The following ATP6V0A4 variants were observed in gnomAD, a reference collection of about 807,000 sequenced individuals.
ATP6V0A4 encodes V-type proton ATPase 116 kDa subunit a 4.
A neutral mutation model predicts 107.3 loss-of-function variants in ATP6V0A4; 86 were observed. The ratio of observed to expected loss-of-function variants is 0.80; its 90% CI spans 0.67 to 0.96. The LOEUF is 0.96. Among genes scored for constraint, ATP6V0A4 ranks in the 40% least tolerant of loss-of-function variants. The pLI is 0.00. For synonymous variants in ATP6V0A4, 353 were observed against 381.4 expected (o/e 0.93, Z 0.87); for missense variants, 908 against 1,045.6 (o/e 0.87, Z 1.81).
chr7:138,720,970 C>T (rs1804397222), intron 19 of ATP6V0A4, among the ~76,000 whole-genome samples: 1 of 152,102 alleles, frequency 6.6e-6, no homozygotes, highest in Admixed American at 6.6e-5. Flanking sequence ...AAGCAATTAA[C>T]ACCACAAATG....
At chr7:138,714,184 C>T (rs1483051464) in intron 20 of ATP6V0A4, among the ~76,000 whole-genome samples, 1 of 146,304 alleles carries the variant, frequency 6.8e-6, no homozygotes, top group Admixed American at 7.0e-5. Context: ...AGTTCGAGGC[C>T]GTGATAGCGC....
At chr7:138,753,027 G>T in intron 10 of ATP6V0A4, 190 bp from the exon 11 acceptor site, 1 of 521,178 alleles carries the variant, frequency 1.9e-6, no homozygotes, top group Non-Finnish European at 2.5e-6. Context: ...AAACCCTTAG[G>T]CAGAGATTGT....
Position 138,706,683 on chromosome 7 carries a change from C to T in ATP6V0A4, c.2464G>A (p.Gly822Ser), listed in dbSNP as rs756268451. 1 of 1,613,874 alleles carries T rather than the reference C, an allele frequency of 6.2e-7. No homozygotes were observed. Among genetic ancestry groups the T allele is most frequent in the South Asian group, 1.1e-5 (1 of 91,058 alleles). The part of the protein sequence containing the change: ...EFQNKFYVGD[G>S]YKFSPFSFKH... Reference sequence around the variant, plus strand: ...AAGGAGAATGGAGAAAACTTGTAACCATCCCCGACATAGAACTTGTTCTGG... The same window carrying T: ...AAGGAGAATGGAGAAAACTTGTAACTATCCCCGACATAGAACTTGTTCTGG... The change falls in exon 22 of 22, where the codon GGT becomes AGT. Residue 822 changes from glycine (G) to serine (S), a missense_variant. Transcript: ENST00000310018.
intron 20 of ATP6V0A4, among the ~76,000 whole-genome samples, chr7:138,714,381 TC>T (rs1319911603): frequency 6.6e-6 from 1 of 151,512 alleles, no homozygotes; most frequent in Non-Finnish European, 1.5e-5. Flanking sequence ...AGTTGGTGAG[TC>T]ATGATTCCTG....
chr7:138,739,739 G>T (rs1304730044), intron 14 of ATP6V0A4, 106 bp from the exon 15 acceptor site: 2 of 1,541,374 alleles, frequency 1.3e-6, no homozygotes, highest in Non-Finnish European at 1.7e-6. Context: ...AACTACTGGT[G>T]CAATTCATCA....
chr7:138,758,701 G>A (rs1806628811), intron 8 of ATP6V0A4, among the ~76,000 whole-genome samples: 2 of 143,502 alleles, frequency 1.4e-5, no homozygotes, highest in Non-Finnish European at 3.0e-5. Context: ...TGTAAGAACT[G>A]CGGAATCTCA....
chr7:138,766,445 A>G (rs1252221118), intron 5 of ATP6V0A4, among the ~76,000 whole-genome samples: 1 of 151,982 alleles, frequency 6.6e-6, no homozygotes, highest in East Asian at 1.9e-4. Flanking sequence ...ACCTCAAGCA[A>G]TACACCCGCC....
chr7:138,709,207 T>TC (rs1803606921), intron 21 of ATP6V0A4, among the ~76,000 whole-genome samples: 2 of 63,348 alleles, frequency 3.2e-5, no homozygotes, highest in African/African-American at 1.2e-4. Context: ...AGAGCCTGTC[T>TC]CAAAAAAAAA....
chr7:138,719,786 G>A (rs1457604090), intron 19 of ATP6V0A4, among the ~76,000 whole-genome samples: 2 of 152,150 alleles, frequency 1.3e-5, no homozygotes, highest in African/African-American at 4.8e-5. Flanking sequence ...TTGGGAGGCC[G>A]AGGTAGGCGG....
intron 14 of ATP6V0A4, among the ~76,000 whole-genome samples, chr7:138,740,610 T>A (rs1409316101): frequency 6.7e-6 from 1 of 149,024 alleles, no homozygotes; most frequent in Admixed American, 6.7e-5. Flanking sequence ...CCCGACTAAT[T>A]TTTGTATTTT....
intron 14 of ATP6V0A4, among the ~76,000 whole-genome samples, chr7:138,741,789 T>C (rs1313972214): frequency 6.6e-6 from 1 of 152,182 alleles, no homozygotes; most frequent in Non-Finnish European, 1.5e-5. Flanking sequence ...TTTTCAGTGG[T>C]CTTTCAACCA....
intron 19 of ATP6V0A4, among the ~76,000 whole-genome samples, chr7:138,716,320 C>A (rs978353650): frequency 7.9e-5 from 12 of 152,134 alleles, no homozygotes; most frequent in Admixed American, 6.6e-4. Flanking sequence ...GAAGACAGTC[C>A]TCCTGTGTGG....
intron 18 of ATP6V0A4, among the ~76,000 whole-genome samples, chr7:138,722,744 CA>C (rs71169049): frequency 3.6e-3 from 120 of 33,454 alleles, no homozygotes; most frequent in African/African-American, 0.011. Context: ...GACTCCATCT[CA>C]AAAAAAAAAA....
In ATP6V0A4 at chr7:138,786,255, A is replaced by G. The variant is rs1421859949; in HGVS notation, c.-115T>C. 6.6e-6 allele frequency: 1 copy of G among 152,256 alleles called. No homozygotes were observed. The highest frequency in any genetic ancestry group is 1.5e-5 in the Non-Finnish European group (1 of 68,074). 9.4% of individuals were successfully genotyped at this position (152,256 alleles called of 1,614,324 possible). On this transcript the variant is annotated 5_prime_UTR_variant, in exon 2 of 22. Transcript: ENST00000310018. ...TTGCCACGTCATGGAGGAACTGGAA[A>G]TGAGACTTAGGAAAATGAAGTTTTA... is the stretch of plus-strand genomic sequence containing the variant.
At chr7:138,709,429 T>C (rs1468306782) in intron 21 of ATP6V0A4, among the ~76,000 whole-genome samples, 195 bp downstream of exon 21, 1 of 151,884 alleles carries the variant, frequency 6.6e-6, no homozygotes, top group Non-Finnish European at 1.5e-5. Flanking sequence ...TGTGTATATA[T>C]GTATATATAC....
intron 21 of ATP6V0A4, among the ~76,000 whole-genome samples, chr7:138,707,872 C>G (rs1320039739): frequency 7.2e-5 from 11 of 151,772 alleles, no homozygotes; most frequent in Admixed American, 5.9e-4. Flanking sequence ...CCAAGACACC[C>G]TCACTGTGCA....
rs1491197117 is a variant in ATP6V0A4, at chr7:138,718,675, G to GGTGGGTGCAGTCA, written c.2140-2795_2140-2794insTGACTGCACCCAC. On this transcript the variant is annotated intron_variant, in intron 19 of 21. Transcript: ENST00000310018. ...GGAGACGTCCAGGAAGGAATTCGGGGCGGGGGGGGGGGGTGCAGTCACGGA... is the reference window on the plus strand; with the variant it reads ...GGAGACGTCCAGGAAGGAATTCGGGGGTGGGTGCAGTCACGGGGGGGGGGGGTGCAGTCACGGA... Among the ~76,000 whole-genome samples, 2 of 10,936 alleles carry GGTGGGTGCAGTCA rather than the reference G, an allele frequency of 1.8e-4. 1 individual carries two copies. Among genetic ancestry groups the GGTGGGTGCAGTCA allele is most frequent in the African/African-American group, 7.6e-4 (2 of 2,624 alleles). 7.2% of individuals were successfully genotyped at this position (10,936 alleles called of 152,430 possible). A position where few individuals can be genotyped will look rare whatever the true frequency, so the allele number is the denominator to read the frequency against.
chr7:138,777,631 A>ATACAC (rs1274092641), intron 2 of ATP6V0A4, among the ~76,000 whole-genome samples: 3,653 of 119,334 alleles, frequency 0.031, 165 homozygotes, highest in African/African-American at 0.12. Context: ...AAAAAAAAAA[A>ATACAC]ATACACACAC....
intron 19 of ATP6V0A4, among the ~76,000 whole-genome samples, chr7:138,720,319 A>G (rs1804366872): frequency 6.6e-6 from 1 of 152,184 alleles, no homozygotes; most frequent in Non-Finnish European, 1.5e-5. Context: ...AGACCCATGT[A>G]TGATTAGACC....
Sources: allele counts gnomAD v4.1 joint callset (sites outside exome capture counted in the v4.1 genomes callset), GRCh38; gene constraint gnomAD v4.1.1; transcripts MANE v1.5; gene names NCBI Gene and HGNC (gene_info 2026-07-23, HGNC 2026-07-21).